Variants in NTRK2 observed in about 807,000 individuals in gnomAD.
NTRK2 encodes BDNF/NT-3 growth factors receptor.
Under a neutral mutation model 94.5 loss-of-function variants are expected in NTRK2, and 13 were observed. The observed-to-expected ratio is 0.14, with a 90% CI of 0.09 to 0.22. NTRK2 has a LOEUF of 0.22. Ranked by LOEUF, NTRK2 falls within the 10% of genes least tolerant of loss-of-function variation. The probability of loss-of-function intolerance (pLI) is 1.00; values close to 1 mark genes in which losing one functional copy is unlikely to be tolerated. For missense variants in NTRK2, 639 were observed against 1,071.2 expected, an observed-to-expected ratio of 0.60 and a Z score of 5.63; for synonymous variants, 372 against 407.4, an observed-to-expected ratio of 0.91 and a Z score of 1.05.
At chr9:84,888,611 CAAAAAAAAAAAAAAAAAAAAAAAA>C (rs71369158) in intron 14 of NTRK2, among the ~76,000 whole-genome samples, 6 of 33,846 alleles carry the variant, frequency 1.8e-4, no homozygotes, top group South Asian at 5.0e-3. Flanking sequence ...CACTCCATCT[CAAAAAAAAAAAAAAAAAAAAAAAA>C]AAAAAAAAAA....
intron 14 of NTRK2, chr9:84,872,192 TA>T: frequency 8.7e-7 from 1 of 1,152,332 alleles, no homozygotes; most frequent in Non-Finnish European, 1.1e-6. Context: ...GGTTTCCCAG[TA>T]AAATTTACAA....
intron 17 of NTRK2, among the ~76,000 whole-genome samples, chr9:84,981,018 A>G (rs1026296425): frequency 6.6e-6 from 1 of 152,184 alleles, no homozygotes; most frequent in Non-Finnish European, 1.5e-5. Flanking sequence ...CAGATTTCCC[A>G]ATTTTGGTAA....
At chr9:84,747,497 T>TTTA (rs1217073295) in intron 11 of NTRK2, among the ~76,000 whole-genome samples, 1 of 127,210 alleles carries the variant, frequency 7.9e-6, no homozygotes, top group Non-Finnish European at 1.6e-5. Context: ...TTTTTTTTTG[T>TTTA]GATGGAGTCT....
chr9:84,914,218 A>AT (rs1205888231), intron 14 of NTRK2, among the ~76,000 whole-genome samples: 7 of 151,968 alleles, frequency 4.6e-5, no homozygotes, highest in Admixed American at 1.3e-4. Flanking sequence ...GGCACTTACT[A>AT]TTTTTTATTT....
chr9:84,987,753 A>G (rs1828510721), intron 17 of NTRK2, among the ~76,000 whole-genome samples: 2 of 152,180 alleles, frequency 1.3e-5, no homozygotes, highest in Non-Finnish European at 2.9e-5. Context: ...TGCAGAAAAT[A>G]CCCTTCTAAC....
intron 12 of NTRK2, among the ~76,000 whole-genome samples, chr9:84,769,297 A>G (rs765722027): frequency 5.3e-5 from 8 of 152,202 alleles, no homozygotes; most frequent in African/African-American, 1.9e-4. Flanking sequence ...TCACATTTCT[A>G]TAATCATTCA....
At chr9:84,896,960 T>C (rs534501511) in intron 14 of NTRK2, among the ~76,000 whole-genome samples, 1 of 152,262 alleles carries the variant, frequency 6.6e-6, no homozygotes, top group South Asian at 2.1e-4. Context: ...CCTAGAATTG[T>C]TTGTCTGACC....
chr9:84,671,406 G>T (rs1204463460), intron 2 of NTRK2, among the ~76,000 whole-genome samples: 1 of 152,134 alleles, frequency 6.6e-6, no homozygotes, highest in Non-Finnish European at 1.5e-5. Context: ...TGAGGGAAGT[G>T]ACAGTCTCTC....
At chr9:84,924,488 GGACT>G (rs1470605096) in intron 14 of NTRK2, among the ~76,000 whole-genome samples, 1 of 152,110 alleles carries the variant, frequency 6.6e-6, no homozygotes, top group East Asian at 1.9e-4. Flanking sequence ...AACATTGCCG[GGACT>G]GACTGACAAG....
In NTRK2 at chr9:85,025,972, G is replaced by T; in HGVS notation, c.*4535G>T. On this transcript the variant is annotated 3_prime_UTR_variant, in exon 19 of 19. Transcript: ENST00000277120. ...AGGAAGGGGTATTTTCTTGTTGTCA[G>T]GGCTGGAATGAATCACTGCTGCTCA... The T allele has an allele frequency of 4.3e-6, 1 of 232,728 alleles. No homozygotes were observed. The highest frequency in any genetic ancestry group is 6.1e-5 in the East Asian group (1 of 16,510). The allele number at this position is 232,728 out of a possible 1,614,324, so 14.4% of individuals were successfully genotyped here.
intron 17 of NTRK2, among the ~76,000 whole-genome samples, chr9:85,011,242 A>G (rs1831535938): frequency 6.6e-6 from 1 of 151,964 alleles, no homozygotes; most frequent in Non-Finnish European, 1.5e-5. Flanking sequence ...GAATATGAAG[A>G]TCTGATAAAG....
intron 6 of NTRK2, among the ~76,000 whole-genome samples, chr9:84,714,865 A>C (rs892645300): frequency 2.6e-5 from 4 of 152,184 alleles, no homozygotes; most frequent in African/African-American, 9.7e-5. Context: ...ATCAGTGAAG[A>C]CCATGGTCTT....
intron 14 of NTRK2, among the ~76,000 whole-genome samples, chr9:84,883,138 G>T (rs1238688123): frequency 1.3e-5 from 2 of 152,196 alleles, no homozygotes; most frequent in East Asian, 3.8e-4. Flanking sequence ...GTGGCTAGAG[G>T]TGAGGCCAAA....
intron 15 of NTRK2, among the ~76,000 whole-genome samples, chr9:84,943,608 A>G (rs1285764153): frequency 6.6e-6 from 1 of 152,208 alleles, no homozygotes; most frequent in South Asian, 2.1e-4. Flanking sequence ...AGCAATGCTC[A>G]GTGATCGGGC....
At chr9:84,986,476 C>T (rs77570128) in intron 17 of NTRK2, among the ~76,000 whole-genome samples, 5 of 152,224 alleles carry the variant, frequency 3.3e-5, no homozygotes, top group South Asian at 2.1e-4. Flanking sequence ...TGATAGGAGG[C>T]GGACCCCAGG....
Position 84,961,283 on chromosome 9 carries a change from A to G in NTRK2, c.2172+5766A>G. Among the ~76,000 whole-genome samples the G allele has an allele frequency of 1.3e-5, 2 of 152,210 alleles. 1 individual carries two copies. The highest frequency in any genetic ancestry group is 2.9e-5 in the Non-Finnish European group (2 of 68,030). On this transcript the variant is annotated intron_variant, in intron 17 of 18. Coordinates refer to ENST00000277120, the MANE Select transcript of NTRK2 (RefSeq NM_006180.6). Reference sequence around the variant, plus strand: ...TTCTTATTTTTCTCATCACTATATAATACTTAGACAATAATTCTTAGCTTT... The same window carrying G: ...TTCTTATTTTTCTCATCACTATATAGTACTTAGACAATAATTCTTAGCTTT...
intron 16 of NTRK2, among the ~76,000 whole-genome samples, chr9:84,950,601 T>G (rs2078746732): frequency 6.6e-6 from 1 of 152,180 alleles, no homozygotes. Flanking sequence ...GTTTTTTTTT[T>G]TTTTAATTTA....
Position 84,915,687 on chromosome 9 carries a change from G to A in NTRK2, c.1634-18475G>A, listed in dbSNP as rs1049151155. Among the ~76,000 whole-genome samples the A allele has an allele frequency of 2.0e-5, 3 of 152,116 alleles. No individual in the cohort carries two copies. In the South Asian group the frequency reaches 6.2e-4, roughly 32 times the overall value. On this transcript the variant is annotated intron_variant, in intron 14 of 18. Transcript: ENST00000277120. ...AAAGGGACTAAGACAGTTGTCTAGG[G>A]TTTTTAGTTGTACTTAGTGGGAAAA... is the stretch of plus-strand genomic sequence containing the variant.
At chr9:84,697,660 G>A (rs902033539) in intron 2 of NTRK2, among the ~76,000 whole-genome samples, 10 of 152,216 alleles carry the variant, frequency 6.6e-5, no homozygotes, top group African/African-American at 2.4e-4. Flanking sequence ...GAGCAGGAGA[G>A]GCCAGGGCTG....
Sources: allele counts gnomAD v4.1 joint callset (sites outside exome capture counted in the v4.1 genomes callset), GRCh38; gene constraint gnomAD v4.1.1; transcripts MANE v1.5; gene names NCBI Gene and HGNC (gene_info 2026-07-23, HGNC 2026-07-21).